CNTNAP2: variants seen among roughly 807,000 people sequenced by gnomAD.
The protein encoded by CNTNAP2 is contactin-associated protein-like 2.
CNTNAP2 carries 98 observed loss-of-function variants against 155.2 expected under a neutral mutation model. That is an observed-to-expected ratio of 0.63 (90% CI 0.54 to 0.75). The LOEUF is 0.75. CNTNAP2 is among the 30% of genes least tolerant of loss of function. The pLI, the probability that CNTNAP2 is intolerant of heterozygous loss-of-function variation, is 0.00. For missense variants in CNTNAP2, 1,727 were observed against 1,688.1 expected (o/e 1.02, Z -0.40); for synonymous variants, 651 against 631.2 (o/e 1.03, Z -0.47).
At chr7:147,150,195 G>A (rs74709897) in intron 8 of CNTNAP2, among the ~76,000 whole-genome samples, 2,683 of 152,208 alleles carry the variant, frequency 0.018, 65 homozygotes, top group African/African-American at 0.06. Flanking sequence ...GGTATTGGAA[G>A]CCATAGATTA....
chr7:148,331,711 G>GTGGATGGATGGAA (rs1563045917), intron 21 of CNTNAP2, among the ~76,000 whole-genome samples: 997 of 9,576 alleles, frequency 0.1, 82 homozygotes, highest in Non-Finnish European at 0.12. Context: ...GATGGATGGA[G>GTGGATGGATGGAA]TGGACGGATG....
At chr7:146,562,475 T>C (rs1798294918) in intron 1 of CNTNAP2, among the ~76,000 whole-genome samples, 2 of 148,966 alleles carry the variant, frequency 1.3e-5, no homozygotes, top group African/African-American at 5.2e-5. Flanking sequence ...CAAACTTAAA[T>C]TGAGCAAGGA....
intron 2 of CNTNAP2, among the ~76,000 whole-genome samples, chr7:146,823,204 T>C (rs958299915): frequency 6.0e-5 from 9 of 149,166 alleles, no homozygotes; most frequent in South Asian, 2.1e-4. Context: ...CATTCTTCAG[T>C]ATATTTAAAT....
chr7:146,659,141 A>G (rs534654755), intron 1 of CNTNAP2, among the ~76,000 whole-genome samples: 11 of 152,320 alleles, frequency 7.2e-5, no homozygotes, highest in African/African-American at 2.4e-4. Flanking sequence ...AGGGAGTCTT[A>G]GAAATTTTAG....
At chr7:147,291,198 A>G (rs1254099207) in intron 8 of CNTNAP2, among the ~76,000 whole-genome samples, 1 of 151,884 alleles carries the variant, frequency 6.6e-6, no homozygotes, top group Non-Finnish European at 1.5e-5. Flanking sequence ...ACATGTGCCG[A>G]ACGTACAGGT....
chr7:148,406,468 T>G (rs1249067357), intron 22 of CNTNAP2, among the ~76,000 whole-genome samples: 1 of 152,202 alleles, frequency 6.6e-6, no homozygotes, highest in Non-Finnish European at 1.5e-5. Context: ...CCTCCTCCCA[T>G]AGTCCCAACC....
At chr7:146,540,071 A>C (rs1393300271) in intron 1 of CNTNAP2, among the ~76,000 whole-genome samples, 1 of 152,056 alleles carries the variant, frequency 6.6e-6, no homozygotes, top group African/African-American at 2.4e-5. Context: ...AAGGCCAGGC[A>C]GAGTTTAGAA....
intron 21 of CNTNAP2, among the ~76,000 whole-genome samples, chr7:148,369,260 G>A (rs1018897361): frequency 8.4e-6 from 1 of 119,030 alleles, no homozygotes; most frequent in Non-Finnish European, 1.6e-5. Context: ...ACGCAGTGCT[G>A]TGATCTTGGC....
chr7:148,406,311 G>A (rs1436446385), intron 22 of CNTNAP2, among the ~76,000 whole-genome samples: 1 of 152,158 alleles, frequency 6.6e-6, no homozygotes, highest in African/African-American at 2.4e-5. Context: ...GGAAATTTCT[G>A]CGTTTATCAA....
intron 3 of CNTNAP2, among the ~76,000 whole-genome samples, chr7:146,911,339 A>G (rs189395205): frequency 0.011 from 1,692 of 152,206 alleles, 24 homozygotes; most frequent in African/African-American, 0.037. Context: ...TCATGCTGCT[A>G]TAAAGACACA....
chr7:148,408,720 G>A (rs1023668131), intron 22 of CNTNAP2, among the ~76,000 whole-genome samples: 19 of 152,212 alleles, frequency 1.2e-4, no homozygotes, highest in Admixed American at 9.2e-4. Context: ...ATAGTCTGCC[G>A]ACTTGCAGAT....
At chr7:146,787,004 C>A (rs1802585192) in intron 2 of CNTNAP2, 1 of 152,194 alleles carries the variant, frequency 6.6e-6, no homozygotes. Flanking sequence ...TGTGCCTGAG[C>A]ATATGTATGA....
chr7:146,336,576 T>C (rs1801279585), intron 1 of CNTNAP2, among the ~76,000 whole-genome samples: 1 of 151,890 alleles, frequency 6.6e-6, no homozygotes, highest in South Asian at 2.1e-4. Context: ...TTATCAAAAC[T>C]AAAAATATTT....
At chr7:146,671,091 C>T (rs1019329862) in intron 1 of CNTNAP2, among the ~76,000 whole-genome samples, 1 of 152,086 alleles carries the variant, frequency 6.6e-6, no homozygotes. Flanking sequence ...TAGAAAACTC[C>T]CAACCCTTCT....
chr7:147,337,143 A>C (rs1795677839), intron 9 of CNTNAP2, among the ~76,000 whole-genome samples: 1 of 152,198 alleles, frequency 6.6e-6, no homozygotes, highest in Non-Finnish European at 1.5e-5. Context: ...AAATATTTAC[A>C]CAACAATTTC....
chr7:148,015,765 T>G (rs922636960), intron 15 of CNTNAP2, among the ~76,000 whole-genome samples: 4 of 152,172 alleles, frequency 2.6e-5, no homozygotes, highest in African/African-American at 4.8e-5. Context: ...AGAAAATTGA[T>G]TTTTTGTTTC....
At chr7:146,928,998 T>A (rs1440831200) in intron 3 of CNTNAP2, among the ~76,000 whole-genome samples, 1 of 152,208 alleles carries the variant, frequency 6.6e-6, no homozygotes, top group Non-Finnish European at 1.5e-5. Flanking sequence ...AGGCTCCACC[T>A]CTGGGGGCAG....
intron 8 of CNTNAP2, among the ~76,000 whole-genome samples, chr7:147,215,246 A>G (rs1013303109): frequency 1.3e-5 from 2 of 151,996 alleles, no homozygotes; most frequent in African/African-American, 4.8e-5. Context: ...TTTATTTTGT[A>G]TTGAACATCC....
chr7:146,705,281 A>T (rs1800943444), intron 1 of CNTNAP2, among the ~76,000 whole-genome samples: 1 of 152,126 alleles, frequency 6.6e-6, no homozygotes, highest in African/African-American at 2.4e-5. Context: ...ATAAACAACG[A>T]ATATGTATTT....
Sources: gnomAD v4.1 joint callset for allele counts (sites outside exome capture counted in the v4.1 genomes callset) on GRCh38, gnomAD v4.1.1 for gene constraint, MANE v1.5 for transcripts, NCBI Gene and HGNC (gene_info 2026-07-23, HGNC 2026-07-21) for gene names.